SH3GL2: variants seen among roughly 807,000 people sequenced by gnomAD.
SH3GL2 encodes endophilin-A1.
In SH3GL2, 24 loss-of-function variants were observed where a neutral mutation model predicts 46.0. The observed-to-expected ratio is 0.52, with a 90% CI of 0.38 to 0.73. The LOEUF is 0.73. SH3GL2 is among the 30% of genes least tolerant of loss of function. The probability of loss-of-function intolerance (pLI) is 0.00; values close to 1 mark genes in which losing one functional copy is unlikely to be tolerated. For missense variants in SH3GL2, 413 were observed against 424.2 expected, an observed-to-expected ratio of 0.97 and a Z score of 0.23; for synonymous variants, 196 against 147.1, an observed-to-expected ratio of 1.33 and a Z score of -2.40.
At position 17,664,196 on chromosome 9, in the gene SH3GL2, A is replaced by C. The variant is rs920308040; in HGVS notation, c.46-82870A>C. On this transcript the variant is annotated intron_variant, in intron 1 of 8. Coordinates refer to ENST00000380607, the MANE Select transcript of SH3GL2 (RefSeq NM_003026.5). The stretch of plus-strand genomic sequence containing the variant: ...TCAGCTGTGAGGCTAAAAATCTCGA[A>C]CTAAAACATGGAAATTGTTTTTCTA... Among the ~76,000 whole-genome samples the C allele has an allele frequency of 2.0e-5, 3 of 152,200 alleles. No homozygotes were observed. In the South Asian group the frequency reaches 6.2e-4, roughly 32 times the overall value.
intron 1 of SH3GL2, among the ~76,000 whole-genome samples, chr9:17,619,282 C>G (rs1298020773): frequency 6.6e-6 from 1 of 152,126 alleles, no homozygotes; most frequent in East Asian, 1.9e-4. Flanking sequence ...TTCCTTATAG[C>G]CTTCTTTCAG....
chr9:17,733,457 A>G (rs34596829), intron 1 of SH3GL2, among the ~76,000 whole-genome samples: 10,665 of 151,716 alleles, frequency 0.07, 477 homozygotes, highest in Admixed American at 0.13. Flanking sequence ...AATCATTAAA[A>G]AGTCAGGAAA....
At chr9:17,593,222 T>C (rs78202536) in intron 1 of SH3GL2, among the ~76,000 whole-genome samples, 11,783 of 152,236 alleles carry the variant, frequency 0.077, 1,553 homozygotes, top group African/African-American at 0.27. Context: ...ATTAGTTGAA[T>C]CACAGGAGGG....
intron 3 of SH3GL2, among the ~76,000 whole-genome samples, chr9:17,774,768 G>C (rs9406718): frequency 6.6e-6 from 1 of 152,028 alleles, no homozygotes; most frequent in Non-Finnish European, 1.5e-5. Context: ...TAGTGTCTTT[G>C]TCTGGCTTTG....
intron 1 of SH3GL2, among the ~76,000 whole-genome samples, chr9:17,657,404 A>G (rs757000512): frequency 4.6e-5 from 7 of 152,180 alleles, no homozygotes; most frequent in Non-Finnish European, 1.0e-4. Flanking sequence ...CCTCAACACC[A>G]TGTAGATGTG....
At chr9:17,769,378 T>C (rs1422696190) in intron 3 of SH3GL2, among the ~76,000 whole-genome samples, 2 of 152,172 alleles carry the variant, frequency 1.3e-5, no homozygotes, top group Admixed American at 6.5e-5. Flanking sequence ...ACTGCCTTTT[T>C]CCATTATTAC....
chr9:17,704,670 G>T (rs1821425738), intron 1 of SH3GL2, among the ~76,000 whole-genome samples: 1 of 151,926 alleles, frequency 6.6e-6, no homozygotes, highest in South Asian at 2.1e-4. Context: ...TTGACAAAAA[G>T]AAGCAATGGG....
At chr9:17,749,383 G>C (rs1192838901) in intron 2 of SH3GL2, among the ~76,000 whole-genome samples, 1 of 152,142 alleles carries the variant, frequency 6.6e-6, no homozygotes, top group Non-Finnish European at 1.5e-5. Context: ...AACAGCCCAT[G>C]GGTTAATCCG....
At chr9:17,787,555 A>C (rs775036538) in intron 5 of SH3GL2, 42 bp downstream of exon 5, 4 of 1,553,348 alleles carry the variant, frequency 2.6e-6, no homozygotes, top group Non-Finnish European at 3.5e-6. Flanking sequence ...AGTTGAAATC[A>C]TACAGATGCA....
chr9:17,610,029 A>G (rs889668157), intron 1 of SH3GL2, among the ~76,000 whole-genome samples: 11 of 151,920 alleles, frequency 7.2e-5, no homozygotes, highest in African/African-American at 4.8e-5. Context: ...ACCAAATCCT[A>G]TTTTTCCTAA....
intron 1 of SH3GL2, among the ~76,000 whole-genome samples, chr9:17,737,637 A>C (rs1049944628): frequency 1.3e-5 from 2 of 151,926 alleles, no homozygotes; most frequent in African/African-American, 4.8e-5. Flanking sequence ...AACTTCTTTG[A>C]CTGTTATGAC....
At chr9:17,587,790 C>G (rs1376906930) in intron 1 of SH3GL2, among the ~76,000 whole-genome samples, 1 of 151,904 alleles carries the variant, frequency 6.6e-6, no homozygotes, top group South Asian at 2.1e-4. Flanking sequence ...AAGCTTGAAC[C>G]TGGGAGAGTT....
chr9:17,736,293 A>T (rs966383692), intron 1 of SH3GL2, among the ~76,000 whole-genome samples: 11 of 152,110 alleles, frequency 7.2e-5, no homozygotes, highest in Non-Finnish European at 1.5e-4. Context: ...TAATTTTCAA[A>T]TTTTATACCT....
intron 1 of SH3GL2, among the ~76,000 whole-genome samples, chr9:17,592,165 A>C (rs1818496745): frequency 6.6e-6 from 1 of 152,190 alleles, no homozygotes; most frequent in African/African-American, 2.4e-5. Context: ...CAAAGTCTCA[A>C]GAATTTGGAA....
At chr9:17,639,888 A>C (rs1048795931) in intron 1 of SH3GL2, among the ~76,000 whole-genome samples, 5 of 152,186 alleles carry the variant, frequency 3.3e-5, no homozygotes, top group Non-Finnish European at 5.9e-5. Context: ...CAAAAGAATA[A>C]ATACTGTTCA....
chr9:17,637,680 C>G (rs1202050014), intron 1 of SH3GL2, among the ~76,000 whole-genome samples: 2 of 152,192 alleles, frequency 1.3e-5, no homozygotes, highest in Non-Finnish European at 2.9e-5. Flanking sequence ...GAGCCTTAGC[C>G]TCCTCACCAG....
At chr9:17,752,860 C>T (rs1241257954) in intron 2 of SH3GL2, among the ~76,000 whole-genome samples, 1 of 152,106 alleles carries the variant, frequency 6.6e-6, no homozygotes, top group African/African-American at 2.4e-5. Context: ...TCCCTCCTCC[C>T]ACCCTCCACC....
At chr9:17,772,703 T>C (rs9407855) in intron 3 of SH3GL2, among the ~76,000 whole-genome samples, 15,395 of 152,280 alleles carry the variant, frequency 0.1, 864 homozygotes, top group Non-Finnish European at 0.11. Flanking sequence ...AATAGTATTC[T>C]GTTGTGTGTA....
chr9:17,607,511 A>G (rs1818782031), intron 1 of SH3GL2, among the ~76,000 whole-genome samples: 1 of 152,182 alleles, frequency 6.6e-6, no homozygotes. Flanking sequence ...TGAGTTTTTC[A>G]GGTCTTATAA....
Sources: allele counts gnomAD v4.1 joint callset (sites outside exome capture counted in the v4.1 genomes callset), GRCh38; gene constraint gnomAD v4.1.1; transcripts MANE v1.5; gene names NCBI Gene and HGNC (gene_info 2026-07-23, HGNC 2026-07-21).